The following CPT2 variants were observed in gnomAD, a reference collection of about 807,000 sequenced individuals.
CPT2 encodes carnitine palmitoyltransferase 2, also known as carnitine O-palmitoyltransferase 2, mitochondrial.
In CPT2, 37 loss-of-function variants were observed where a neutral mutation model predicts 48.6. The observed-to-expected ratio is 0.76, with a 90% CI of 0.59 to 1.00. CPT2 has a LOEUF of 1.00. Ranked by LOEUF, CPT2 falls within the 50% of genes least tolerant of loss-of-function variation. The probability of loss-of-function intolerance (pLI) is 0.00; values close to 1 mark genes in which losing one functional copy is unlikely to be tolerated. For missense variants in CPT2, 772 were observed against 825.6 expected (o/e 0.94, Z 0.80); for synonymous variants, 319 against 326.9 (o/e 0.98, Z 0.26).
intron 3 of CPT2, chr1:53,202,686 C>T (rs1437501644): frequency 2.0e-6 from 1 of 509,706 alleles, no homozygotes; most frequent in Non-Finnish European, 3.6e-6. Flanking sequence ...AATCAATGGT[C>T]CTGTCTGAAA....
intron 3 of CPT2, 82 bp downstream of exon 3, chr1:53,202,511 C>A: frequency 8.4e-7 from 1 of 1,194,340 alleles, no homozygotes; most frequent in Non-Finnish European, 1.2e-6. Context: ...CTGTTTTGGT[C>A]TCAGAGATAT....
intron 2 of CPT2, 67 bp from the exon 3 acceptor site, chr1:53,202,256 C>T (rs1159885292): frequency 6.1e-5 from 79 of 1,302,544 alleles, no homozygotes; most frequent in South Asian, 8.5e-5. Flanking sequence ...ATGAGTTCCT[C>T]GCCATGAACC....
At chr1:53,209,988 T>C (rs770366032) in intron 3 of CPT2, 27 bp from the exon 4 acceptor site, 10 of 1,581,350 alleles carry the variant, frequency 6.3e-6, no homozygotes, top group African/African-American at 5.4e-5. Flanking sequence ...TAACATTTTA[T>C]GTTATTTTTT....
At position 53,211,606 on chromosome 1, in the gene CPT2, T is replaced by C. The variant is rs1645429159; in HGVS notation, c.1645+287T>C. On this transcript the variant is annotated intron_variant, in intron 4 of 4. Transcript: ENST00000371486. ...CATTAATTCTTTTTTCTTTCTTTTT[T>C]TTTTTTTTTTTTGGAGACAAGAGTT... The C allele has an allele frequency of 5.5e-5, 13 of 236,344 alleles. No individual in the cohort carries two copies. In the East Asian group the frequency reaches 1.2e-3, roughly 23 times the overall value. 14.6% of individuals were successfully genotyped at this position (236,344 alleles called of 1,614,324 possible).
At chr1:53,212,650 C>A (rs935681683) in intron 4 of CPT2, 15 of 399,108 alleles carry the variant, frequency 3.8e-5, no homozygotes, top group Non-Finnish European at 6.2e-5. Flanking sequence ...TCCGTCATTA[C>A]CTTTTTTTGA....
chr1:53,200,752 G>A lies in CPT2; in HGVS notation c.186G>A (p.Arg62=). ...TTCCCAAACTTGAAGACACCATTAG[G>A]AGATACCTCAGTGCACAGAAGCCTC... is the stretch of plus-strand genomic sequence containing the variant. ...LPIPKLEDTI[R]RYLSAQKPLL... is the part of the protein sequence containing the mutation. The change falls in exon 2 of 5, where the codon AGG becomes AGA. Residue 62 remains arginine (R), a synonymous_variant. Transcript: ENST00000371486. 1.9e-6 allele frequency: 3 copies of A among 1,614,096 alleles called. No homozygotes were observed. The highest frequency in any genetic ancestry group is 2.5e-6 in the Non-Finnish European group (3 of 1,179,992).
chr1:53,205,878 G>A lies in CPT2; in HGVS notation c.340+3449G>A, dbSNP rs140495536. ...GCATGCAGGTGTGCAGAAAACAAGA[G>A]TTGAGGTTTGAAAACCTCGTCCGGC... On this transcript the variant is annotated intron_variant, in intron 3 of 4. Transcript: ENST00000371486. 2.5e-3 allele frequency among the ~76,000 whole-genome samples: 379 copies of A among 152,318 alleles called. 9 individuals carry two copies. The East Asian group carries it at 0.065, about 26-fold the overall frequency.
intron 2 of CPT2, 88 bp from the exon 3 acceptor site, chr1:53,202,235 A>C: frequency 9.4e-7 from 1 of 1,059,704 alleles, no homozygotes; most frequent in Non-Finnish European, 1.5e-6. Flanking sequence ...TTGGGGACCC[A>C]AAACTCTATT....
chr1:53,205,261 C>G (rs1645380115), intron 3 of CPT2, among the ~76,000 whole-genome samples: 1 of 152,186 alleles, frequency 6.6e-6, no homozygotes, highest in African/African-American at 2.4e-5. Flanking sequence ...GCAAAGGTCA[C>G]TCTACTGTGC....
At chr1:53,208,542 A>G (rs984478486) in intron 3 of CPT2, 2 of 152,234 alleles carry the variant, frequency 1.3e-5, no homozygotes, top group African/African-American at 4.8e-5. Context: ...ACTGATATTT[A>G]TAATAGCTTT....
chr1:53,211,461 A>C (rs910088297), intron 4 of CPT2, 142 bp downstream of exon 4: 4 of 821,490 alleles, frequency 4.9e-6, no homozygotes, highest in Non-Finnish European at 5.8e-6. Context: ...TTTCTTTTCT[A>C]CCCTAGCAGT....
At position 53,213,659 on chromosome 1, in the gene CPT2, T is replaced by C; in HGVS notation, c.*64T>C. ...ATGAAAACTGGGAGGCCGGGCATGGTGGCTCATGCCTGTAATCCCAGCATT... is the reference window on the plus strand; with the variant it reads ...ATGAAAACTGGGAGGCCGGGCATGGCGGCTCATGCCTGTAATCCCAGCATT... On this transcript the variant is annotated 3_prime_UTR_variant, in exon 5 of 5. Coordinates refer to ENST00000371486, the MANE Select transcript of CPT2 (RefSeq NM_000098.3). 7.0e-7 allele frequency: 1 copy of C among 1,421,640 alleles called. No homozygotes were observed. Among genetic ancestry groups the C allele is most frequent in the Admixed American group, 1.8e-5 (1 of 54,224 alleles). 88.1% of individuals were successfully genotyped at this position (1,421,640 alleles called of 1,614,324 possible).
In CPT2 at chr1:53,210,495, A is replaced by G. The variant is rs758064377; in HGVS notation, c.821A>G (p.Lys274Arg). The G allele has an allele frequency of 2.5e-6, 4 of 1,614,012 alleles. No homozygotes were observed. Among genetic ancestry groups the G allele is most frequent in the Non-Finnish European group, 3.4e-6 (4 of 1,180,050 alleles). Residue 274 changes from lysine to arginine, a missense_variant, in exon 4 of 5, where the codon AAG becomes AGG. Transcript: ENST00000371486. The stretch of plus-strand genomic sequence containing the variant: ...CCCTCGGAAATCCAGGCACATCTGA[A>G]GTACATTCTCTCAGACAGCAGCCCC... ...VSPSEIQAHL[K>R]YILSDSSPAP...
At chr1:53,201,572 G>A (rs111288313) in intron 2 of CPT2, 1 of 153,494 alleles carries the variant, frequency 6.5e-6, no homozygotes, top group African/African-American at 2.4e-5. Flanking sequence ...AGTTTGTGGT[G>A]TTTTGTTATA....
chr1:53,210,262 T>C lies in CPT2; in HGVS notation c.588T>C (p.Pro196=), dbSNP rs140853350. The stretch of plus-strand genomic sequence containing the variant: ...TCAAGAGACTCATACGCTTTGTGCC[T>C]TCCTCTCTGTCCTGGTATGGGGCCT... ...ITFKRLIRFV[P]SSLSWYGAYL... Residue 196 remains proline (P), a synonymous_variant, in exon 4 of 5, where the codon CCT becomes CCC. Transcript: ENST00000371486. 2.2e-4 allele frequency: 349 copies of C among 1,614,200 alleles called. 2 individuals are homozygous for C. In the East Asian group the frequency reaches 5.2e-3, roughly 24 times the overall value.
chr1:53,197,785 A>T (rs1302613231), intron 1 of CPT2, among the ~76,000 whole-genome samples: 1 of 151,742 alleles, frequency 6.6e-6, no homozygotes, highest in Non-Finnish European at 1.5e-5. Flanking sequence ...CTCCCCTCAA[A>T]ATATCCTTCC....
At chr1:53,208,266 C>T (rs1645400281) in intron 3 of CPT2, 1 of 152,216 alleles carries the variant, frequency 6.6e-6, no homozygotes, top group Non-Finnish European at 1.5e-5. Context: ...CAAGGCCTGG[C>T]ACAGCACTGA....
In CPT2 at chr1:53,210,190, G is replaced by A; in HGVS notation, c.516G>A (p.Glu172=). Residue 172 remains glutamate, a synonymous_variant, in exon 4 of 5, where the codon GAG becomes GAA. Coordinates refer to ENST00000371486, the MANE Select transcript of CPT2 (RefSeq NM_000098.3). ...AGACACTCCGGGCTGGCCTTCTGGA[G>A]CCAGAAGTGTTCCACTTGAACCCTG... The part of the protein sequence containing the change: ...FLKTLRAGLL[E]PEVFHLNPAK... The A allele has an allele frequency of 6.2e-7, 1 of 1,614,118 alleles. No individual in the cohort carries two copies. The highest frequency in any genetic ancestry group is 8.5e-7 in the Non-Finnish European group (1 of 1,180,030).
At chr1:53,205,127 TCAGA>T (rs1645379360) in intron 3 of CPT2, among the ~76,000 whole-genome samples, 1 of 152,180 alleles carries the variant, frequency 6.6e-6, no homozygotes, top group Non-Finnish European at 1.5e-5. Flanking sequence ...CAGGAAGATG[TCAGA>T]CAGTTTGGAA....
Sources: gnomAD v4.1 joint callset for allele counts (sites outside exome capture counted in the v4.1 genomes callset) on GRCh38, gnomAD v4.1.1 for gene constraint, MANE v1.5 for transcripts, NCBI Gene and HGNC (gene_info 2026-07-23, HGNC 2026-07-21) for gene names.